The following C2 variants were observed in gnomAD, a reference collection of about 807,000 sequenced individuals.
C2 encodes C3/C5 convertase.
C2 carries 64 observed loss-of-function variants against 85.2 expected under a neutral mutation model. The ratio of observed to expected loss-of-function variants is 0.75; its 90% CI spans 0.61 to 0.92. C2 has a LOEUF of 0.92. Ranked by LOEUF, C2 falls within the 40% of genes least tolerant of loss-of-function variation. The pLI is 0.00. For missense variants in C2, 820 were observed against 971.6 expected (o/e 0.84, Z 2.07); for synonymous variants, 311 against 370.8 (o/e 0.84, Z 1.85).
At chr6:31,931,919 G>A (rs1421650778) in intron 3 of C2, among the ~76,000 whole-genome samples, 3 of 68,182 alleles carry the variant, frequency 4.4e-5, no homozygotes, top group Non-Finnish European at 1.1e-4. Context: ...CCTCCCGGAC[G>A]GCGCGGCTGG....
chr6:31,909,872 G>GT lies in C2; in HGVS notation c.73+8742dup, dbSNP rs545795093. On this transcript the variant is annotated intron_variant, in intron 1 of 3. Coordinates refer to the C2 transcript ENST00000452202. Reference sequence around the variant, plus strand: ...TCCTTGCCAACAGTTGTTATTTTCTGTTTTTTTTTGTTTTTTGTTTTTTTT... The same window carrying GT: ...TCCTTGCCAACAGTTGTTATTTTCTGTTTTTTTTTTGTTTTTTGTTTTTTTT... Among the ~76,000 whole-genome samples, 506 of 149,734 alleles carry GT rather than the reference G, an allele frequency of 3.4e-3. 6 individuals are homozygous for GT. Among genetic ancestry groups the GT allele is most frequent in the South Asian group, 8.1e-3 (38 of 4,714 alleles).
At position 31,944,041 on chromosome 6, in the gene C2, G is replaced by A. The variant is rs754142470; in HGVS notation, c.1810+48G>A. The A allele has an allele frequency of 1.9e-6, 3 of 1,604,382 alleles. No individual in the cohort carries two copies. Among genetic ancestry groups the A allele is most frequent in the East Asian group, 4.5e-5 (2 of 44,838 alleles). Reference sequence around the variant, plus strand: ...CTTGAGAGCTGGGGCCGGGGTTTGGGGGTGATAACAAGGACTAGGCTGCAG... The same window carrying A: ...CTTGAGAGCTGGGGCCGGGGTTTGGAGGTGATAACAAGGACTAGGCTGCAG... On this transcript the variant is annotated intron_variant, in intron 14 of 17. Transcript: ENST00000299367. This position sits in a 1 kb window ranked among gnomAD's most constrained non-coding sequence, Gnocchi z 5.1.
chr6:31,901,890 C>G (rs1767329974), intron 1 of C2: 1 of 149,608 alleles, frequency 6.7e-6, no homozygotes, highest in South Asian at 2.1e-4. Flanking sequence ...CCACCCCCCC[C>G]CGGGGCCGGC....
chr6:31,936,407 A>C, intron 7 of C2: 1 of 347,602 alleles, frequency 2.9e-6, no homozygotes, highest in Non-Finnish European at 5.5e-6. Context: ...CACTTAGCAA[A>C]TGGCTGAAGC....
At chr6:31,918,762 T>TAA (rs1768739694), upstream of C2, among the ~76,000 whole-genome samples, 1 of 151,270 alleles carries the variant, frequency 6.6e-6, no homozygotes, top group Non-Finnish European at 1.5e-5. Context: ...TAGCTGGGTG[T>TAA]AGTGGCGGGC....
upstream of C2, among the ~76,000 whole-genome samples, chr6:31,898,496 G>GT (rs1381633765): frequency 1.3e-5 from 2 of 152,146 alleles, no homozygotes; most frequent in Non-Finnish European, 2.9e-5. Context: ...GAAAAGATCT[G>GT]TATGATTTCA....
chr6:31,908,577 A>G (rs1486482263), intron 1 of C2, among the ~76,000 whole-genome samples: 1 of 151,104 alleles, frequency 6.6e-6, no homozygotes, highest in African/African-American at 2.4e-5. Context: ...GCTTGAACCC[A>G]GGAGATGGAG....
chr6:31,938,910 C>T (rs1297837222), intron 8 of C2, among the ~76,000 whole-genome samples: 1 of 152,184 alleles, frequency 6.6e-6, no homozygotes. Flanking sequence ...GCCTTGGCCT[C>T]CCAAAGTGCT....
At chr6:31,934,409 T>G (rs772194870) in intron 6 of C2, 110 bp downstream of exon 6, 3 of 1,427,474 alleles carry the variant, frequency 2.1e-6, no homozygotes, top group Non-Finnish European at 2.9e-6. Flanking sequence ...CTCCAAGAAG[T>G]CTTCTCAGAT....
chr6:31,945,317 G>A lies in C2; in HGVS notation c.2219G>A (p.Arg740Lys). 1 of 1,613,046 alleles carries A rather than the reference G, an allele frequency of 6.2e-7. No homozygotes were observed. The highest frequency in any genetic ancestry group is 1.1e-5 in the South Asian group (1 of 91,078). Residue 740 changes from arginine (R) to lysine (K), a missense_variant, in exon 18 of 18, where the codon AGG becomes AAG. By Grantham distance (26) the Arg-to-Lys change is conservative. Transcript: ENST00000299367. This position sits in a 1 kb window ranked among gnomAD's most constrained non-coding sequence, Gnocchi z 5.3. ...CTCTTCCGCATGCAGCCCTGGCTGA[G>A]GCAGCACCTGGGGGATGTCCTGAAT... ...INLFRMQPWL[R>K]QHLGDVLNFL...
intron 1 of C2, among the ~76,000 whole-genome samples, chr6:31,912,039 G>A (rs1768146839): frequency 1.3e-5 from 2 of 150,530 alleles, no homozygotes; most frequent in African/African-American, 4.9e-5. Flanking sequence ...CCAAAGTGCT[G>A]GGATTACAGG....
rs1484755382 is a variant in C2 at position 31,932,676 on chromosome 6, T to C, written c.443-934T>C. Reference sequence around the variant, plus strand: ...GGCTCCTCACATCCCAGACGATGGGTGGCCAGGCGGAGACGCTCCTCACTT... The same window carrying C: ...GGCTCCTCACATCCCAGACGATGGGCGGCCAGGCGGAGACGCTCCTCACTT... On this transcript the variant is annotated intron_variant, in intron 3 of 17. Transcript: ENST00000299367. 3.7e-4 allele frequency among the ~76,000 whole-genome samples: 55 copies of C among 148,462 alleles called. No individual in the cohort carries two copies. In the East Asian group the frequency reaches 6.6e-3, roughly 18 times the overall value.
At chr6:31,925,947 C>A, upstream of C2, among the ~76,000 whole-genome samples, 1 of 152,196 alleles carries the variant, frequency 6.6e-6, no homozygotes, top group Non-Finnish European at 1.5e-5. Context: ...GCTCTGTCAT[C>A]CCCAGCATGT....
At chr6:31,913,599 C>T (rs548617697) in intron 1 of C2, among the ~76,000 whole-genome samples, 144 of 152,148 alleles carry the variant, frequency 9.5e-4, no homozygotes, top group African/African-American at 2.9e-3. Context: ...AAAAATAAAA[C>T]GAAGCAAAGA....
rs1767254552 is a variant in C2 at position 31,901,395 on chromosome 6, GCCC to G, written c.73+259_73+261del. 3 of 1,382,264 alleles carry G rather than the reference GCCC, an allele frequency of 2.2e-6. No individual in the cohort carries two copies. The African/African-American group carries it at 4.4e-5, about 20-fold the overall frequency. 85.6% of individuals were successfully genotyped at this position (1,382,264 alleles called of 1,614,324 possible). ...CCGAAGCCAAGGCTCCAGGACCCTC[GCCC>G]CCATTCTTGCCCAGCCCCCCGGCAT... On this transcript the variant is annotated intron_variant, in intron 1 of 3. Coordinates refer to the C2 transcript ENST00000452202.
chr6:31,911,454 TAGC>T (rs1202531871), intron 1 of C2, among the ~76,000 whole-genome samples: 1 of 152,012 alleles, frequency 6.6e-6, no homozygotes, highest in Admixed American at 6.5e-5. Flanking sequence ...AAGTTTTAGA[TAGC>T]AGCATAAAAA....
At chr6:31,901,442 G>A (rs1767258803) in intron 1 of C2, 9 of 1,001,774 alleles carry the variant, frequency 9.0e-6, no homozygotes, top group Non-Finnish European at 1.1e-5. Flanking sequence ...CCGGTCTTCA[G>A]ATTTCTTCCT....
chr6:31,940,936 G>T (rs1562610027), intron 9 of C2, among the ~76,000 whole-genome samples: 1 of 152,140 alleles, frequency 6.6e-6, no homozygotes, highest in Non-Finnish European at 1.5e-5. Context: ...AACAAAAATG[G>T]GCCACAAGGG....
At position 31,937,338 on chromosome 6, in the gene C2, G is replaced by A. The variant is rs1317780525; in HGVS notation, c.1008G>A (p.Gly336=). The A allele has an allele frequency of 6.2e-7, 1 of 1,612,766 alleles. No individual in the cohort carries two copies. Among genetic ancestry groups the A allele is most frequent in the East Asian group, 2.2e-5 (1 of 44,858 alleles). ...TTCCAGATCATGAAAATGGAACTGGGACTAACACCTATGCGGCCTTAAACA... is the reference window on the plus strand; with the variant it reads ...TTCCAGATCATGAAAATGGAACTGGAACTAACACCTATGCGGCCTTAAACA... The part of the protein sequence containing the change: ...ANYKDHENGT[G]TNTYAALNSV... Residue 336 remains glycine, a synonymous_variant, in exon 8 of 18, where the codon GGG becomes GGA. Coordinates refer to ENST00000299367, the MANE Select transcript of C2 (RefSeq NM_000063.6).
Sources: allele counts gnomAD v4.1 joint callset (sites outside exome capture counted in the v4.1 genomes callset), GRCh38; gene constraint gnomAD v4.1.1; non-coding constraint Gnocchi (gnomAD v3.1); transcripts MANE v1.5; gene names NCBI Gene and HGNC (gene_info 2026-07-23, HGNC 2026-07-21).